PRMT3: variants seen among roughly 807,000 people sequenced by gnomAD.
The protein encoded by PRMT3 is protein arginine methyltransferase 3.
PRMT3 carries 62 observed loss-of-function variants against 71.9 expected under a neutral mutation model. That is an observed-to-expected ratio of 0.86 (90% confidence interval 0.70 to 1.07). The LOEUF is 1.07. Among genes scored for constraint, PRMT3 ranks in the 50% least tolerant of loss-of-function variants. PRMT3 has a pLI of 0.00. For synonymous variants in PRMT3, 213 were observed against 220.4 expected (o/e 0.97, Z 0.30); for missense variants, 663 against 643.0 (o/e 1.03, Z -0.34).
intron 9 of PRMT3, among the ~76,000 whole-genome samples, chr11:20,409,268 C>G (rs1849140444): frequency 6.6e-6 from 1 of 152,160 alleles, no homozygotes; most frequent in African/African-American, 2.4e-5. Flanking sequence ...AGTCTTCACT[C>G]TACCATTTAA....
At chr11:20,416,478 C>G (rs931268305) in intron 9 of PRMT3, among the ~76,000 whole-genome samples, 1 of 152,014 alleles carries the variant, frequency 6.6e-6, no homozygotes, top group East Asian at 1.9e-4. Flanking sequence ...TGTGTCCCAA[C>G]TACCAGGAAG....
At chr11:20,430,928 G>T (rs1409468443) in intron 10 of PRMT3, among the ~76,000 whole-genome samples, 1 of 152,012 alleles carries the variant, frequency 6.6e-6, no homozygotes, top group African/African-American at 2.4e-5. Context: ...TTACATTTTA[G>T]TCTACCAATA....
intron 6 of PRMT3, among the ~76,000 whole-genome samples, 179 bp downstream of exon 6, chr11:20,396,141 A>G (rs556887969): frequency 9.2e-5 from 14 of 152,352 alleles, no homozygotes; most frequent in East Asian, 3.9e-4. Flanking sequence ...TAATTAATAT[A>G]AAATCTTATA....
chr11:20,474,699 G>C (rs932869842), intron 13 of PRMT3, among the ~76,000 whole-genome samples: 1 of 152,176 alleles, frequency 6.6e-6, no homozygotes, highest in Non-Finnish European at 1.5e-5. Context: ...CTTTGGCTTC[G>C]TGCTGTTAGA....
At chr11:20,407,569 C>G (rs534035060) in intron 8 of PRMT3, 34 of 169,282 alleles carry the variant, frequency 2.0e-4, no homozygotes, top group Non-Finnish European at 3.5e-4. Context: ...CCCACTGAAA[C>G]CATCTGGGCA....
chr11:20,424,183 CAA>C lies in PRMT3; in HGVS notation c.894-2566_894-2565del, dbSNP rs59351768. 5.6e-3 allele frequency among the ~76,000 whole-genome samples: 619 copies of C among 110,886 alleles called. 8 individuals are homozygous for C. The highest frequency in any genetic ancestry group is 0.046 in the East Asian group (179 of 3,862). The allele number at this position is 110,886 out of a possible 152,430, so 72.7% of individuals were successfully genotyped here. On this transcript the variant is annotated intron_variant, in intron 9 of 15. Coordinates refer to ENST00000331079, the MANE Select transcript of PRMT3 (RefSeq NM_005788.4). ...TGGGCAACAAAGCAAGACGCCATCT[CAA>C]AAAAAAAAAAAAAAAATTGATATGG...
At chr11:20,498,864 A>G (rs1851393964) in intron 15 of PRMT3, among the ~76,000 whole-genome samples, 1 of 152,244 alleles carries the variant, frequency 6.6e-6, no homozygotes, top group Admixed American at 6.5e-5. Context: ...CTAAATGAAG[A>G]CTTTTTCAGG....
chr11:20,416,964 G>A (rs1849318851), intron 9 of PRMT3, among the ~76,000 whole-genome samples: 2 of 152,126 alleles, frequency 1.3e-5, no homozygotes, highest in Non-Finnish European at 2.9e-5. Context: ...GAGGGGAAAG[G>A]GTGGAGACTG....
chr11:20,395,028 A>G (rs979898638), intron 5 of PRMT3, among the ~76,000 whole-genome samples: 4 of 152,182 alleles, frequency 2.6e-5, no homozygotes, highest in Non-Finnish European at 4.4e-5. Context: ...TTCCTCCATA[A>G]ACAGATATAT....
chr11:20,427,736 A>G (rs937471970), intron 10 of PRMT3, among the ~76,000 whole-genome samples: 1 of 152,200 alleles, frequency 6.6e-6, no homozygotes, highest in Admixed American at 6.5e-5. Context: ...GAAAAAAAAA[A>G]TGTATTTGAC....
intron 9 of PRMT3, among the ~76,000 whole-genome samples, chr11:20,410,319 T>C (rs1375666456): frequency 2.0e-5 from 3 of 152,078 alleles, no homozygotes; most frequent in Non-Finnish European, 4.4e-5. Context: ...AGAAGGAAAT[T>C]AATTTTCAGT....
chr11:20,418,880 A>G (rs1451279325), intron 9 of PRMT3, among the ~76,000 whole-genome samples: 2 of 152,234 alleles, frequency 1.3e-5, no homozygotes, highest in African/African-American at 4.8e-5. Context: ...AACAAATGAA[A>G]TTAAACATGT....
chr11:20,466,795 A>G (rs1257431753), intron 13 of PRMT3, among the ~76,000 whole-genome samples: 1 of 152,204 alleles, frequency 6.6e-6, no homozygotes, highest in Non-Finnish European at 1.5e-5. Flanking sequence ...AAATTGGTAA[A>G]GTCTATTTAA....
At chr11:20,490,546 C>CA (rs35296660) in intron 13 of PRMT3, among the ~76,000 whole-genome samples, 1 of 149,792 alleles carries the variant, frequency 6.7e-6, no homozygotes. Context: ...GGAGGCCCCC[C>CA]AAAAAATGTG....
intron 9 of PRMT3, 126 bp from the exon 10 acceptor site, chr11:20,426,640 A>G (rs1039304156): frequency 3.8e-6 from 4 of 1,041,544 alleles, no homozygotes; most frequent in Non-Finnish European, 2.5e-6. Context: ...CCAAAGAACA[A>G]CTAAGCTTTG....
chr11:20,486,244 G>T (rs915894558), intron 13 of PRMT3, among the ~76,000 whole-genome samples: 6 of 152,098 alleles, frequency 3.9e-5, no homozygotes, highest in African/African-American at 1.2e-4. Flanking sequence ...TGTAATGATG[G>T]TTACACAACT....
At chr11:20,402,874 T>A (rs1848980008) in intron 7 of PRMT3, 45 bp from the exon 8 acceptor site, 1 of 1,474,710 alleles carries the variant, frequency 6.8e-7, no homozygotes, top group African/African-American at 1.4e-5. Context: ...AATTTATTTG[T>A]TTAGACTGTC....
intron 9 of PRMT3, among the ~76,000 whole-genome samples, chr11:20,409,956 T>C (rs539806892): frequency 6.6e-6 from 1 of 152,254 alleles, no homozygotes; most frequent in Admixed American, 6.5e-5. Flanking sequence ...TTTCTAGTCT[T>C]ATGAAAGCTA....
chr11:20,472,839 A>G (rs1221006798), intron 13 of PRMT3, among the ~76,000 whole-genome samples: 4 of 110,418 alleles, frequency 3.6e-5, no homozygotes, highest in Non-Finnish European at 6.6e-5. Flanking sequence ...CTGTGAATCT[A>G]TCTGGTCCTG....
Sources: allele counts gnomAD v4.1 joint callset (sites outside exome capture counted in the v4.1 genomes callset), GRCh38; gene constraint gnomAD v4.1.1; transcripts MANE v1.5; gene names NCBI Gene and HGNC (gene_info 2026-07-23, HGNC 2026-07-21).